The following MAGT1 variants were observed in gnomAD, a reference collection of about 807,000 sequenced individuals.
The protein encoded by MAGT1 is magnesium transporter 1, also known as dolichyl-diphosphooligosaccharide--protein glycosyltransferase subunit MAGT1.
MAGT1 carries 4 observed loss-of-function variants against 28.4 expected under a neutral mutation model. That is an observed-to-expected ratio of 0.14 (90% CI 0.07 to 0.32). The LOEUF (loss-of-function observed/expected upper bound fraction) is 0.32, where lower values mean the gene tolerates loss of function less well. Among genes scored for constraint, MAGT1 ranks in the 10% least tolerant of loss-of-function variants. The pLI, the probability that MAGT1 is intolerant of heterozygous loss-of-function variation, is 1.00. For missense variants in MAGT1, 193 were observed against 264.5 expected (o/e 0.73, Z 1.88); for synonymous variants, 89 against 89.7 (o/e 0.99, Z 0.04).
chrX:77,870,545 T>C (rs1392014985), intron 3 of MAGT1, among the ~76,000 whole-genome samples: 4 of 111,690 alleles, frequency 3.6e-5, no homozygotes, highest in Non-Finnish European at 7.5e-5. Flanking sequence ...ATACTTAAAA[T>C]GGTTAAAATG....
At chrX:77,895,451 C>T, upstream of MAGT1, 1 of 1,200,720 alleles carries the variant, frequency 8.3e-7, no homozygotes, top group Non-Finnish European at 1.1e-6. Context: ...TTTGCTCCGG[C>T]TAGGTCTGAG....
At chrX:77,860,901 T>C (rs1387095204) in intron 3 of MAGT1, among the ~76,000 whole-genome samples, 1 of 110,112 alleles carries the variant, frequency 9.1e-6, no homozygotes, top group Non-Finnish European at 1.9e-5. Context: ...CACAGGTGGG[T>C]GCAGTGGCTC....
chrX:77,886,320 G>A (rs936421496), intron 1 of MAGT1, among the ~76,000 whole-genome samples: 1 of 111,377 alleles, frequency 9.0e-6, no homozygotes, highest in East Asian at 2.8e-4. Flanking sequence ...TTCTCAAAGT[G>A]TGGTTGGTAT....
chrX:77,832,478 A>G (rs1185543775), intron 8 of MAGT1, among the ~76,000 whole-genome samples: 1 of 111,547 alleles, frequency 9.0e-6, no homozygotes, highest in Non-Finnish European at 1.9e-5. Flanking sequence ...GTTGGGCCGC[A>G]TGTGGCCCAC....
At chrX:77,891,276 C>T (rs1439851107) in intron 1 of MAGT1, among the ~76,000 whole-genome samples, 2 of 110,411 alleles carry the variant, frequency 1.8e-5, no homozygotes, top group African/African-American at 6.6e-5. Flanking sequence ...CTTCTATGAG[C>T]AAGCCCCCAA....
intron 7 of MAGT1, among the ~76,000 whole-genome samples, chrX:77,842,165 G>A (rs2076936815): frequency 9.1e-6 from 1 of 110,311 alleles, no homozygotes; most frequent in Non-Finnish European, 1.9e-5. Context: ...GGCCGAGGCG[G>A]GCCGATTGCT....
At chrX:77,832,406 GA>G (rs200980846) in intron 8 of MAGT1, among the ~76,000 whole-genome samples, 2,061 of 99,797 alleles carry the variant, frequency 0.021, 46 homozygotes, top group African/African-American at 0.062. Flanking sequence ...CTGATAAGCT[GA>G]AAAAAAAAAA....
intron 8 of MAGT1, among the ~76,000 whole-genome samples, chrX:77,832,259 T>C (rs1557213472): frequency 1.8e-5 from 2 of 111,374 alleles, no homozygotes; most frequent in African/African-American, 6.5e-5. Context: ...ACTATAGAGA[T>C]AGGGATGTAG....
intron 3 of MAGT1, among the ~76,000 whole-genome samples, chrX:77,862,178 A>G: frequency 9.0e-6 from 1 of 111,721 alleles, no homozygotes; most frequent in Non-Finnish European, 1.9e-5. Context: ...GCTTTTGCAT[A>G]CTGTGGCATA....
rs1232904009 is a variant in MAGT1, at chrX:77,870,978, A to G, written c.273-53T>C. On this transcript the variant is annotated intron_variant, in intron 2 of 9. Transcript: ENST00000618282. ...ACATATAAAACAATTTTTGAAAGCA[A>G]TCTCGTTTATCATCAGTAAAACAGG... The G allele has an allele frequency of 6.5e-5, 57 of 873,721 alleles. No individual in the cohort carries two copies. The East Asian group carries it at 1.7e-3, about 25-fold the overall frequency. The allele number at this position is 873,721 out of a possible 1,213,427, so 72.0% of individuals were successfully genotyped here. A position where few individuals can be genotyped will look rare whatever the true frequency, so the allele number is the denominator to read the frequency against.
intron 7 of MAGT1, among the ~76,000 whole-genome samples, chrX:77,843,227 T>A (rs1557214571): frequency 1.8e-5 from 2 of 111,841 alleles, no homozygotes; most frequent in African/African-American, 6.5e-5. Context: ...CATTCTTTTT[T>A]AAATTTTTTA....
intron 2 of MAGT1, among the ~76,000 whole-genome samples, chrX:77,873,521 T>A (rs1043291622): frequency 8.9e-6 from 1 of 112,314 alleles, no homozygotes; most frequent in Non-Finnish European, 1.9e-5. Flanking sequence ...CCATTTTGAA[T>A]TGTTCATGGT....
At chrX:77,841,419 A>C in intron 7 of MAGT1, 99 bp from the exon 8 acceptor site, 2 of 594,359 alleles carry the variant, frequency 3.4e-6, no homozygotes, top group Non-Finnish European at 5.7e-6. Flanking sequence ...TGAATATATA[A>C]ACCTTCAACT....
chrX:77,857,414 C>G lies in MAGT1; in HGVS notation c.474G>C (p.Val158=). The part of the protein sequence containing the change: ...PKRGDTYELQ[V]RGFSAEQIAR... ...CAATCTGCTCAGCTGAAAAACCCCG[C>G]ACCTGTAACTCATATGTATCACCCC... is the stretch of plus-strand genomic sequence containing the variant. Residue 158 remains valine, a synonymous_variant, in exon 4 of 10, where the codon GTG becomes GTC. Coordinates refer to ENST00000618282, the MANE Select transcript of MAGT1 (RefSeq NM_001367916.1). 1.7e-6 allele frequency: 2 copies of G among 1,211,771 alleles called. No individual in the cohort carries two copies. The highest frequency in any genetic ancestry group is 2.2e-6 in the Non-Finnish European group (2 of 895,416).
At chrX:77,856,603 T>C (rs2076982015) in intron 5 of MAGT1, 130 bp downstream of exon 5, 1 of 627,602 alleles carries the variant, frequency 1.6e-6, no homozygotes, top group African/African-American at 2.3e-5. Flanking sequence ...GACAGAAAAT[T>C]AAAATATATA....
chrX:77,826,892 C>T lies in MAGT1; in HGVS notation c.*2328G>A, dbSNP rs1213591153. On this transcript the variant is annotated 3_prime_UTR_variant, in exon 10 of 10. Coordinates refer to ENST00000618282, the MANE Select transcript of MAGT1 (RefSeq NM_001367916.1). Reference sequence around the variant, plus strand: ...AGTAATTAACAAAAACTGGCTGCTCCATTAAAAAGTAAAAGGTCAACCATA... The same window carrying T: ...AGTAATTAACAAAAACTGGCTGCTCTATTAAAAAGTAAAAGGTCAACCATA... 1 of 111,370 alleles carries T rather than the reference C, an allele frequency of 9.0e-6. No homozygotes were observed. The highest frequency in any genetic ancestry group is 1.9e-5 in the Non-Finnish European group (1 of 53,080). 9.2% of individuals were successfully genotyped at this position (111,370 alleles called of 1,213,427 possible). A position where few individuals can be genotyped will look rare whatever the true frequency, so the allele number is the denominator to read the frequency against.
At chrX:77,869,744 A>C (rs991056305) in intron 3 of MAGT1, among the ~76,000 whole-genome samples, 1 of 111,584 alleles carries the variant, frequency 9.0e-6, no homozygotes, top group Non-Finnish European at 1.9e-5. Flanking sequence ...AAAACAAAAA[A>C]AAACAAAGAT....
intron 7 of MAGT1, among the ~76,000 whole-genome samples, chrX:77,844,574 G>T (rs1434564896): frequency 4.5e-5 from 5 of 111,005 alleles, no homozygotes; most frequent in Admixed American, 2.9e-4. Flanking sequence ...GCTTTCTCTT[G>T]TGGGCATTTA....
chrX:77,839,690 T>A (rs781919031), intron 8 of MAGT1, among the ~76,000 whole-genome samples: 1 of 109,853 alleles, frequency 9.1e-6, no homozygotes, highest in Non-Finnish European at 1.9e-5. Flanking sequence ...GTATTTTTAG[T>A]AGAGACGGGG....
Sources: allele counts gnomAD v4.1 joint callset (sites outside exome capture counted in the v4.1 genomes callset), GRCh38; gene constraint gnomAD v4.1.1; transcripts MANE v1.5; gene names NCBI Gene and HGNC (gene_info 2026-07-23, HGNC 2026-07-21).